LRP1B: variants seen among roughly 807,000 people sequenced by gnomAD.
The protein encoded by LRP1B is LDL receptor related protein 1B.
In LRP1B, 217 loss-of-function variants were observed where a neutral mutation model predicts 556.6. The observed-to-expected ratio is 0.39, with a 90% CI of 0.35 to 0.44. The LOEUF (loss-of-function observed/expected upper bound fraction) is 0.44, where lower values mean the gene tolerates loss of function less well. Among genes scored for constraint, LRP1B ranks in the 20% least tolerant of loss-of-function variants. The probability of loss-of-function intolerance (pLI) is 1.00; values close to 1 mark genes in which losing one functional copy is unlikely to be tolerated. For missense variants in LRP1B, 5,053 were observed against 5,620.8 expected (o/e 0.90, Z 3.23); for synonymous variants, 2,047 against 1,865.8 (o/e 1.10, Z -2.50).
chr2:141,938,875 C>T (rs891260218), intron 1 of LRP1B, among the ~76,000 whole-genome samples: 1 of 151,982 alleles, frequency 6.6e-6, no homozygotes, highest in East Asian at 1.9e-4. Context: ...GGACATTATG[C>T]TAAGTGAAAT....
chr2:140,414,699 G>A (rs1452019044), intron 66 of LRP1B, among the ~76,000 whole-genome samples: 1 of 152,116 alleles, frequency 6.6e-6, no homozygotes, highest in Non-Finnish European at 1.5e-5. Context: ...TCTTTGTAAG[G>A]TGAGGAGGTA....
intron 3 of LRP1B, among the ~76,000 whole-genome samples, chr2:141,426,518 TATA>T (rs1423163345): frequency 9.9e-5 from 15 of 152,164 alleles, no homozygotes; most frequent in Non-Finnish European, 2.2e-4. Context: ...TCTTAAAAAA[TATA>T]ATACCAAAGC....
intron 1 of LRP1B, among the ~76,000 whole-genome samples, chr2:142,046,319 G>A (rs1402412158): frequency 6.6e-6 from 1 of 151,932 alleles, no homozygotes; most frequent in Admixed American, 6.6e-5. Context: ...GCTCATTCCA[G>A]TTCCAGCATT....
At chr2:141,394,747 A>T (rs1690178939) in intron 3 of LRP1B, among the ~76,000 whole-genome samples, 1 of 152,138 alleles carries the variant, frequency 6.6e-6, no homozygotes, top group Non-Finnish European at 1.5e-5. Flanking sequence ...AAAAAAATTC[A>T]GTTGGAACTT....
rs568521911 is a variant in LRP1B at position 141,699,874 on chromosome 2, C to T, written c.205+110405G>A. ...AATGGTAAAAGCAAAACTGGCATTA[C>T]GAGATAGCCCAAATGAAATATATTC... On this transcript the variant is annotated intron_variant, in intron 2 of 90. Coordinates refer to ENST00000389484, the MANE Select transcript of LRP1B (RefSeq NM_018557.3). Among the ~76,000 whole-genome samples the T allele has an allele frequency of 1.5e-4, 22 of 148,216 alleles. 1 individual carries two copies. The highest frequency in any genetic ancestry group is 2.4e-4 in the Non-Finnish European group (16 of 66,936).
intron 27 of LRP1B, among the ~76,000 whole-genome samples, chr2:140,854,165 A>G (rs1445681409): frequency 6.6e-6 from 1 of 152,138 alleles, no homozygotes; most frequent in Non-Finnish European, 1.5e-5. Context: ...CTAGCATAGG[A>G]AATGCTATTT....
chr2:140,850,828 T>G (rs540326180), intron 28 of LRP1B, among the ~76,000 whole-genome samples: 130 of 152,200 alleles, frequency 8.5e-4, no homozygotes, highest in Non-Finnish European at 1.6e-3. Context: ...TTAGTGTATT[T>G]TTTTTGTAAA....
chr2:140,684,169 T>G (rs796510527), intron 41 of LRP1B, among the ~76,000 whole-genome samples: 14 of 152,344 alleles, frequency 9.2e-5, no homozygotes, highest in African/African-American at 3.1e-4. Context: ...AGGTATTTAA[T>G]CAATTACTGA....
At chr2:141,039,658 C>A (rs1413689275) in intron 11 of LRP1B, among the ~76,000 whole-genome samples, 1 of 151,918 alleles carries the variant, frequency 6.6e-6, no homozygotes, top group Non-Finnish European at 1.5e-5. Context: ...TTGTGTTTGT[C>A]ATTACGGATG....
intron 59 of LRP1B, among the ~76,000 whole-genome samples, chr2:140,478,490 A>G (rs1688074449): frequency 1.3e-5 from 2 of 152,128 alleles, no homozygotes; most frequent in Admixed American, 1.3e-4. Flanking sequence ...GAGATCATAT[A>G]GCTTAAAGCT....
At chr2:140,793,451 T>C (rs1201996854) in intron 32 of LRP1B, among the ~76,000 whole-genome samples, 2 of 152,012 alleles carry the variant, frequency 1.3e-5, no homozygotes, top group South Asian at 2.1e-4. Flanking sequence ...CTGTCCTTAT[T>C]ATTAAAATAT....
At chr2:141,878,759 T>C (rs1698856094) in intron 1 of LRP1B, among the ~76,000 whole-genome samples, 1 of 151,996 alleles carries the variant, frequency 6.6e-6, no homozygotes, top group Non-Finnish European at 1.5e-5. Context: ...TAATGAACAG[T>C]CCAATTACAT....
intron 2 of LRP1B, among the ~76,000 whole-genome samples, chr2:141,689,544 ATTG>A (rs1299602481): frequency 1.7e-5 from 2 of 115,000 alleles, no homozygotes; most frequent in African/African-American, 5.4e-5. Flanking sequence ...CTATTGCTTT[ATTG>A]TATATTGTAT....
intron 6 of LRP1B, among the ~76,000 whole-genome samples, chr2:141,196,216 T>C (rs2105213922): frequency 6.6e-6 from 1 of 152,168 alleles, no homozygotes; most frequent in Admixed American, 6.5e-5. Flanking sequence ...TCAAGGCTTA[T>C]GGTAAAAAAT....
intron 2 of LRP1B, among the ~76,000 whole-genome samples, chr2:141,533,630 A>G (rs1260764423): frequency 6.6e-6 from 1 of 152,194 alleles, no homozygotes; most frequent in Admixed American, 6.6e-5. Context: ...TAAAATGAGG[A>G]CACCATTAAC....
chr2:140,676,602 G>T (rs573649544), intron 41 of LRP1B, among the ~76,000 whole-genome samples: 1 of 152,214 alleles, frequency 6.6e-6, no homozygotes, highest in Non-Finnish European at 1.5e-5. Context: ...AATTTAAATA[G>T]ACACTGTCAT....
chr2:141,205,874 C>T (rs1181267708), intron 6 of LRP1B, among the ~76,000 whole-genome samples: 1 of 152,130 alleles, frequency 6.6e-6, no homozygotes, highest in Non-Finnish European at 1.5e-5. Flanking sequence ...ATTTGTATGT[C>T]AGCAGAATTC....
At chr2:140,576,097 C>T (rs994550490) in intron 43 of LRP1B, among the ~76,000 whole-genome samples, 2 of 152,166 alleles carry the variant, frequency 1.3e-5, no homozygotes, top group African/African-American at 4.8e-5. Context: ...ATAAGCTCCA[C>T]ACTTCAGGTG....
intron 2 of LRP1B, among the ~76,000 whole-genome samples, chr2:141,572,386 A>G (rs1039541191): frequency 3.3e-5 from 5 of 152,190 alleles, no homozygotes; most frequent in African/African-American, 9.6e-5. Context: ...AAGCTGAGGG[A>G]TTTTGTTGCC....
Sources: gnomAD v4.1 joint callset for allele counts (sites outside exome capture counted in the v4.1 genomes callset) on GRCh38, gnomAD v4.1.1 for gene constraint, MANE v1.5 for transcripts, NCBI Gene and HGNC (gene_info 2026-07-23, HGNC 2026-07-21) for gene names.